Variants in TMEM38B observed in about 807,000 individuals in gnomAD.
TMEM38B encodes the protein trimeric intracellular cation channel type B.
In TMEM38B, 24 loss-of-function variants were observed where a neutral mutation model predicts 28.7. That is an observed-to-expected ratio of 0.84 (90% CI 0.61 to 1.18). The LOEUF (loss-of-function observed/expected upper bound fraction) is 1.18. Ranked by LOEUF, TMEM38B falls within the 50% of genes most tolerant of loss-of-function variation. TMEM38B has a pLI of 0.00. For synonymous variants in TMEM38B, 131 were observed against 127.7 expected (o/e 1.03, Z -0.17); for missense variants, 380 against 350.9 (o/e 1.08, Z -0.66).
At chr9:105,744,373 G>A (rs1837311657) in intron 4 of TMEM38B, among the ~76,000 whole-genome samples, 1 of 151,858 alleles carries the variant, frequency 6.6e-6, no homozygotes, top group Non-Finnish European at 1.5e-5. Context: ...TTGTCAACCT[G>A]CCATTTTTAA....
In TMEM38B at chr9:105,749,363, G is replaced by A. The variant is rs926501024; in HGVS notation, c.660+1173G>A. On this transcript the variant is annotated intron_variant, in intron 5 of 5. Transcript: ENST00000374692. Reference sequence around the variant, plus strand: ...TGGTGGAAGGTGGAGGAGGAGCAAAGGCACATCTTACATGGTGGCAGGCAA... The same window carrying A: ...TGGTGGAAGGTGGAGGAGGAGCAAAAGCACATCTTACATGGTGGCAGGCAA... 5.6e-5 allele frequency: 11 copies of A among 195,990 alleles called. No homozygotes were observed. In the East Asian group the frequency reaches 1.4e-3, roughly 25 times the overall value. 12.1% of individuals were successfully genotyped at this position (195,990 alleles called of 1,614,324 possible).
intron 2 of TMEM38B, among the ~76,000 whole-genome samples, chr9:105,709,485 A>G (rs945810761): frequency 2.3e-4 from 35 of 152,218 alleles, no homozygotes; most frequent in African/African-American, 6.5e-4. Context: ...CTCAAACAAG[A>G]CAATTAGGCC....
At position 105,748,159 on chromosome 9, in the gene TMEM38B, TC is replaced by T. The variant is rs1837500379; in HGVS notation, c.631del (p.Leu211PhefsTer11). The T allele has an allele frequency of 6.2e-7, 1 of 1,613,274 alleles. No individual in the cohort carries two copies. Among genetic ancestry groups the T allele is most frequent in the African/African-American group, 1.3e-5 (1 of 75,026 alleles). The part of the protein sequence containing the change: ...HLAISKHNLM[F>X]LYTIFIVATK... ...GCAATATCAAAGCATAATCTTATGT[TC>T]CTTTATACCATCTTTATTGTGGCCA... is the stretch of plus-strand genomic sequence containing the variant. On this transcript the variant is annotated frameshift_variant, in exon 5 of 6. Coordinates refer to ENST00000374692, the MANE Select transcript of TMEM38B (RefSeq NM_018112.3). LOFTEE classifies it low-confidence loss of function (END_TRUNC).
chr9:105,737,364 G>A (rs1414080765), intron 4 of TMEM38B, among the ~76,000 whole-genome samples: 1 of 152,082 alleles, frequency 6.6e-6, no homozygotes, highest in African/African-American at 2.4e-5. Flanking sequence ...AGAGTCAAGA[G>A]TACACACCAG....
intron 4 of TMEM38B, among the ~76,000 whole-genome samples, chr9:105,724,623 C>CAA (rs767187191): frequency 2.2e-5 from 2 of 88,954 alleles, no homozygotes; most frequent in Admixed American, 1.2e-4. Flanking sequence ...GACTCTGTCT[C>CAA]AAAAAAAAAA....
intron 2 of TMEM38B, among the ~76,000 whole-genome samples, chr9:105,719,688 G>A (rs1836251699): frequency 6.6e-6 from 1 of 152,110 alleles, no homozygotes; most frequent in Admixed American, 6.5e-5. Context: ...ATTTTTTAAT[G>A]TCTTATACTA....
intron 5 of TMEM38B, chr9:105,758,685 G>T: frequency 1.3e-6 from 1 of 756,124 alleles, no homozygotes; most frequent in Non-Finnish European, 2.4e-6. Flanking sequence ...AAGACATCCA[G>T]AATTGAGAAA....
chr9:105,769,685 A>G (rs1826485516), intron 5 of TMEM38B, among the ~76,000 whole-genome samples: 1 of 151,780 alleles, frequency 6.6e-6, no homozygotes, highest in African/African-American at 2.4e-5. Flanking sequence ...TTTTTTCAAT[A>G]TATTTTTAGC....
intron 5 of TMEM38B, among the ~76,000 whole-genome samples, chr9:105,772,593 G>A (rs147071978): frequency 0.013 from 1,906 of 152,120 alleles, 46 homozygotes; most frequent in African/African-American, 0.043. Flanking sequence ...TGATTTTGGT[G>A]AGAGACTGAG....
At chr9:105,742,263 C>G (rs1042666648) in intron 4 of TMEM38B, among the ~76,000 whole-genome samples, 1 of 152,148 alleles carries the variant, frequency 6.6e-6, no homozygotes, top group African/African-American at 2.4e-5. Context: ...AGGCCTGTGG[C>G]CAGGCCCATA....
chr9:105,754,140 C>A (rs772910251), intron 5 of TMEM38B, among the ~76,000 whole-genome samples: 1 of 151,820 alleles, frequency 6.6e-6, no homozygotes, highest in Non-Finnish European at 1.5e-5. Context: ...ATTCATAAAG[C>A]AAGTCCTTAG....
Position 105,730,949 on chromosome 9 carries a change from T to C in TMEM38B, c.542+8328T>C, listed in dbSNP as rs188816743. On this transcript the variant is annotated intron_variant, in intron 4 of 5. Coordinates refer to ENST00000374692, the MANE Select transcript of TMEM38B (RefSeq NM_018112.3). The stretch of plus-strand genomic sequence containing the variant: ...TTTTTTATTGCGTCTATTTGATTCT[T>C]CTCTCTTTTCTTCTTTATTAGTCTT... Among the ~76,000 whole-genome samples the C allele has an allele frequency of 6.0e-4, 92 of 152,282 alleles. 1 individual carries two copies. In the East Asian group the frequency reaches 0.016, roughly 26 times the overall value.
intron 4 of TMEM38B, among the ~76,000 whole-genome samples, chr9:105,728,503 G>T (rs370254631): frequency 6.6e-6 from 1 of 152,122 alleles, no homozygotes; most frequent in East Asian, 1.9e-4. Context: ...GGACATTTTG[G>T]TTGGTTCCAA....
Position 105,705,734 on chromosome 9 carries a change from T to G in TMEM38B, c.250T>G (p.Leu84Val). The G allele has an allele frequency of 6.2e-7, 1 of 1,613,412 alleles. No individual in the cohort carries two copies. Among genetic ancestry groups the G allele is most frequent in the Non-Finnish European group, 8.5e-7 (1 of 1,179,908 alleles). Residue 84 changes from leucine (L) to valine (V), a missense_variant, in exon 2 of 6, where the codon TTA becomes GTA. Transcript: ENST00000374692. Reference protein sequence around the residue: ...LKFLANHTNILLASSIWYITF... With the variant: ...LKFLANHTNIVLASSIWYITF... The stretch of plus-strand genomic sequence containing the variant: ...GTTTCTTGCAAACCACACTAACATA[T>G]TACTGGCATCTTCAATCTGGTAAGC...
chr9:105,704,815 T>C (rs1194925598), intron 1 of TMEM38B, among the ~76,000 whole-genome samples: 1 of 152,024 alleles, frequency 6.6e-6, no homozygotes, highest in Non-Finnish European at 1.5e-5. Context: ...TCACAGCTAC[T>C]TGGGAGGCTG....
chr9:105,729,266 A>G (rs948760390), intron 4 of TMEM38B, among the ~76,000 whole-genome samples: 23 of 152,192 alleles, frequency 1.5e-4, no homozygotes, highest in Non-Finnish European at 1.5e-5. Flanking sequence ...TATAAGGTGT[A>G]AGGAAGGGAT....
intron 5 of TMEM38B, among the ~76,000 whole-genome samples, chr9:105,766,741 G>GTT (rs565022485): frequency 2.0e-5 from 3 of 148,660 alleles, no homozygotes; most frequent in African/African-American, 7.4e-5. Flanking sequence ...TTTTTTTTCT[G>GTT]TTTTTTTTTA....
intron 2 of TMEM38B, among the ~76,000 whole-genome samples, chr9:105,715,617 C>T (rs1836070869): frequency 6.6e-6 from 1 of 151,798 alleles, no homozygotes; most frequent in Non-Finnish European, 1.5e-5. Context: ...TTTCTCTTTT[C>T]TCTTTTCTCC....
chr9:105,770,316 G>A (rs1266529152), intron 5 of TMEM38B, among the ~76,000 whole-genome samples: 1 of 152,066 alleles, frequency 6.6e-6, no homozygotes, highest in Admixed American at 6.6e-5. Flanking sequence ...ATTCATCACT[G>A]CATCCTTAGC....
Sources: allele counts gnomAD v4.1 joint callset (sites outside exome capture counted in the v4.1 genomes callset), GRCh38; gene constraint gnomAD v4.1.1; transcripts MANE v1.5; gene names NCBI Gene and HGNC (gene_info 2026-07-23, HGNC 2026-07-21).